Variants in SNAPC2 observed in about 807,000 individuals in gnomAD.
The protein encoded by SNAPC2 is snRNA-activating protein complex subunit 2.
A neutral mutation model predicts 22.9 loss-of-function variants in SNAPC2; 27 were observed. The observed-to-expected ratio is 1.18, with a 90% CI of 0.87 to 1.63. The LOEUF (loss-of-function observed/expected upper bound fraction) is 1.63. Among genes scored for constraint, SNAPC2 ranks in the 40% most tolerant of loss-of-function variants. SNAPC2 has a pLI of 0.00. For missense variants in SNAPC2, 570 were observed against 449.1 expected (o/e 1.27, Z -2.43); for synonymous variants, 272 against 201.0 (o/e 1.35, Z -2.99).
intron 1 of SNAPC2, 35 bp from the exon 2 acceptor site, chr19:7,921,388 T>C (rs747658355): frequency 1.2e-6 from 2 of 1,613,520 alleles, no homozygotes; most frequent in South Asian, 1.1e-5. Context: ...CCTGAGCTCA[T>C]AGAAGCCTCA....
chr19:7,922,608 G>A lies in SNAPC2; in HGVS notation c.849G>A (p.Gly283=), dbSNP rs1443905989. 30 of 1,613,514 alleles carry A rather than the reference G, an allele frequency of 1.9e-5. No homozygotes were observed. The highest frequency in any genetic ancestry group is 2.3e-5 in the Non-Finnish European group (27 of 1,179,972). Residue 283 remains glycine, a synonymous_variant, in exon 5 of 5, where the codon GGG becomes GGA. Transcript: ENST00000221573. ...TGGGGCCTGCAGCAGAAGGGGATGG[G>A]GCTGGCTCCAAGGCACCAGAGGAGA... is the stretch of plus-strand genomic sequence containing the variant. ...GSLGPAAEGD[G]AGSKAPEETP... is the part of the protein sequence containing the mutation.
intron 1 of SNAPC2, chr19:7,920,910 GTTAATA>G: frequency 9.7e-7 from 1 of 1,033,224 alleles, no homozygotes; most frequent in Non-Finnish European, 1.2e-6. Context: ...GCGTGGGCGG[GTTAATA>G]GCAAGACTTA....
In SNAPC2 at chr19:7,922,702, C is replaced by T; in HGVS notation, c.943C>T (p.Pro315Ser). 6.2e-7 allele frequency: 1 copy of T among 1,611,192 alleles called. No homozygotes were observed. The highest frequency in any genetic ancestry group is 8.5e-7 in the Non-Finnish European group (1 of 1,178,170). Residue 315 changes from proline to serine, a missense_variant, in exon 5 of 5, where the codon CCC (proline) becomes TCC (serine). Transcript: ENST00000221573. ...GCCTTGGCAAGCAGCTGGGATCTGT[C>T]CCCTGAACCCGTTCCTGGTGCCCCT... The part of the protein sequence containing the change: ...KSPWQAAGIC[P>S]LNPFLVPLEL...
At position 7,922,446 on chromosome 19, in the gene SNAPC2, G is replaced by C. The variant is rs565417189; in HGVS notation, c.687G>C (p.Glu229Asp). 2 of 1,584,754 alleles carry C rather than the reference G, an allele frequency of 1.3e-6. No individual in the cohort carries two copies. The highest frequency in any genetic ancestry group is 2.7e-5 in the African/African-American group (2 of 74,182). ...SGRSPELSAA[E>D]SAVVLDLLMS... ...CCCCTCTCCTCCATCCATCACTAGA[G>C]TCCGCTGTGGTCCTCGACCTGCTCA... The change falls in exon 5 of 5, where the codon GAG becomes GAC. Residue 229 changes from glutamate (E) to aspartate (D), a missense_variant and splice_region_variant. By Grantham distance (45) the Glu-to-Asp change is conservative. Transcript: ENST00000221573.
In SNAPC2 at chr19:7,921,532, C is replaced by T. The variant is rs1424455534; in HGVS notation, c.293C>T (p.Ala98Val). 12 of 1,612,606 alleles carry T rather than the reference C, an allele frequency of 7.4e-6. No individual in the cohort carries two copies. The highest frequency in any genetic ancestry group is 2.2e-5 in the East Asian group (1 of 44,894). The change falls in exon 2 of 5, where the codon GCC becomes GTC. Residue 98 changes from alanine to valine, a missense_variant. Coordinates refer to ENST00000221573, the MANE Select transcript of SNAPC2 (RefSeq NM_003083.4). Reference sequence around the variant, plus strand: ...AGGCGCCGGGAGGCACAGCCCCCAGCCCCCATAGAGGTGAGGCAGATGAAC... The same window carrying T: ...AGGCGCCGGGAGGCACAGCCCCCAGTCCCCATAGAGGTGAGGCAGATGAAC... ...GPRRREAQPP[A>V]PIEVWTDLAE...
intron 1 of SNAPC2, 75 bp from the exon 2 acceptor site, chr19:7,921,348 G>C: frequency 6.2e-7 from 1 of 1,607,424 alleles, no homozygotes; most frequent in African/African-American, 1.3e-5. Context: ...GAGCATACAA[G>C]GGATTGGGCT....
rs1302933822 is a variant in SNAPC2 at position 7,920,471 on chromosome 19, C to T, written c.105C>T (p.Leu35=). 2.0e-6 allele frequency: 3 copies of T among 1,531,998 alleles called. No individual in the cohort carries two copies. The highest frequency in any genetic ancestry group is 3.9e-5 in the Admixed American group (2 of 51,588). 94.9% of individuals were successfully genotyped at this position (1,531,998 alleles called of 1,614,324 possible). A position where few individuals can be genotyped will look rare whatever the true frequency, so the allele number is the denominator to read the frequency against. The change falls in exon 1 of 5, where the codon CTC becomes CTT. Residue 35 remains leucine (L), a synonymous_variant. Transcript: ENST00000221573. ...SAREKRQLVR[L]LQARQGQPEP... is the part of the protein sequence containing the mutation. ...GCGAGAAGCGGCAGCTAGTGCGACT[C>T]CTGCAGGCGCGGCAGGGCCAGCCGG... is the stretch of plus-strand genomic sequence containing the variant.
chr19:7,921,511 G>A lies in SNAPC2; in HGVS notation c.272G>A (p.Arg91His), dbSNP rs868776366. 3.1e-6 allele frequency: 5 copies of A among 1,613,392 alleles called. No individual in the cohort carries two copies. Among genetic ancestry groups the A allele is most frequent in the African/African-American group, 1.3e-5 (1 of 74,908 alleles). ...CCGGGTGGCCTTCAGGGACCAAGGC[G>A]CCGGGAGGCACAGCCCCCAGCCCCC... Reference protein sequence around the residue: ...VHPGGLQGPRRREAQPPAPIE... With the variant: ...VHPGGLQGPRHREAQPPAPIE... The change falls in exon 2 of 5, where the codon CGC becomes CAC. Residue 91 changes from arginine to histidine, a missense_variant. Coordinates refer to ENST00000221573, the MANE Select transcript of SNAPC2 (RefSeq NM_003083.4).
At chr19:7,921,172 G>A in intron 1 of SNAPC2, 5 of 1,414,766 alleles carry the variant, frequency 3.5e-6, no homozygotes, top group Non-Finnish European at 4.6e-6. Flanking sequence ...CGGGGTAGTA[G>A]TCAGCATAGG....
rs775439325 is a variant in SNAPC2 at position 7,921,433 on chromosome 19, TC to T, written c.196del (p.Leu66SerfsTer8). On this transcript the variant is annotated frameshift_variant, in exon 2 of 5. Coordinates refer to ENST00000221573, the MANE Select transcript of SNAPC2 (RefSeq NM_003083.4). LOFTEE classifies it high-confidence loss of function. ...RGRSEAEIRV[F>X]LQQLKGRVAR... ...CTCTTTCCTTTCTAGATCCGGGTCTTCCTCCAGCAGCTCAAGGGCCGCGTAG... is the reference window on the plus strand; with the variant it reads ...CTCTTTCCTTTCTAGATCCGGGTCTTCTCCAGCAGCTCAAGGGCCGCGTAG... 7 of 1,613,688 alleles carry T rather than the reference TC, an allele frequency of 4.3e-6. No homozygotes were observed. The highest frequency in any genetic ancestry group is 1.3e-5 in the African/African-American group (1 of 74,876).
chr19:7,921,547 G>C lies in SNAPC2; in HGVS notation c.303+5G>C. On this transcript the variant is annotated splice_donor_5th_base_variant and intron_variant, in intron 2 of 4. Coordinates refer to ENST00000221573, the MANE Select transcript of SNAPC2 (RefSeq NM_003083.4). ...CAGCCCCCAGCCCCCATAGAGGTGA[G>C]GCAGATGAACAGGGTGAGGCTGTCC... 1 of 1,611,308 alleles carries C rather than the reference G, an allele frequency of 6.2e-7. No homozygotes were observed. The highest frequency in any genetic ancestry group is 2.2e-5 in the East Asian group (1 of 44,874).
In SNAPC2 at chr19:7,922,665, C is replaced by A. The variant is rs770302805; in HGVS notation, c.906C>A (p.Ser302Arg). 1.2e-6 allele frequency: 2 copies of A among 1,613,608 alleles called. No individual in the cohort carries two copies. The highest frequency in any genetic ancestry group is 1.7e-5 in the Admixed American group (1 of 60,014). The change falls in exon 5 of 5, where the codon AGC becomes AGA. Residue 302 changes from serine (S) to arginine (R), a missense_variant. By Grantham distance (110) the Ser-to-Arg change is moderately radical. Coordinates refer to ENST00000221573, the MANE Select transcript of SNAPC2 (RefSeq NM_003083.4). ...CAGCCACCGAGAAGGCCGAGCACAG[C>A]GAACTGAAATCGCCTTGGCAAGCAG... ...TPPATEKAEH[S>R]ELKSPWQAAG...
chr19:7,920,996 G>C (rs1242868647), intron 1 of SNAPC2: 1 of 1,135,436 alleles, frequency 8.8e-7, no homozygotes, highest in Admixed American at 4.6e-5. Context: ...TTTAAAGGCG[G>C]GGCGAGCCTC....
At position 7,922,061 on chromosome 19, in the gene SNAPC2, G is replaced by A. The variant is rs887648608; in HGVS notation, c.399G>A (p.Pro133=). The stretch of plus-strand genomic sequence containing the variant: ...TGCTCACCATCGCGGCCACGGAACC[G>A]GTCACCCTCCTGCACTCCAAGCCCC... ...SQVLTIAATE[P]VTLLHSKPPK... Residue 133 remains proline, a synonymous_variant, in exon 4 of 5, where the codon CCG becomes CCA. Coordinates refer to ENST00000221573, the MANE Select transcript of SNAPC2 (RefSeq NM_003083.4). 52 of 1,610,660 alleles carry A rather than the reference G, an allele frequency of 3.2e-5. No homozygotes were observed. Among genetic ancestry groups the A allele is most frequent in the East Asian group, 1.1e-4 (5 of 44,822 alleles).
At chr19:7,920,670 G>A in intron 1 of SNAPC2, 121 bp downstream of exon 1, 3 of 616,792 alleles carry the variant, frequency 4.9e-6, no homozygotes, top group Non-Finnish European at 5.1e-6. Flanking sequence ...GAGCGGGGGC[G>A]TGGCGTGGGG....
intron 1 of SNAPC2, chr19:7,921,152 G>A (rs980917889): frequency 1.4e-6 from 2 of 1,379,654 alleles, no homozygotes; most frequent in Non-Finnish European, 9.4e-7. Flanking sequence ...GGACGAAGAA[G>A]GGAGTTGAAC....
Position 7,922,429 on chromosome 19 carries a change from CTCCA to C in SNAPC2, c.686-9_686-6del, listed in dbSNP as rs745665442. On this transcript the variant is annotated splice_polypyrimidine_tract_variant and intron_variant, in intron 4 of 4. Transcript: ENST00000221573. Reference sequence around the variant, plus strand: ...GCAGGGGTGTCCCCTTACCCCTCTCCTCCATCCATCACTAGAGTCCGCTGTGGTC... The same window carrying C: ...GCAGGGGTGTCCCCTTACCCCTCTCCTCCATCACTAGAGTCCGCTGTGGTC... 2.5e-5 allele frequency: 39 copies of C among 1,581,758 alleles called. No homozygotes were observed. In the East Asian group the frequency reaches 2.7e-4, roughly 11 times the overall value.
intron 3 of SNAPC2, 64 bp downstream of exon 3, chr19:7,921,837 T>C (rs1450976056): frequency 3.2e-6 from 5 of 1,549,280 alleles, no homozygotes; most frequent in Non-Finnish European, 4.4e-6. Context: ...GGCCAAATCA[T>C]GTGAACCTGG....
rs149467241 is a variant in SNAPC2, at chr19:7,923,169, G to A, written c.*405G>A. ...CACCTTCTTCAACTGACCAGTCGTG[G>A]TTACTCCCTGCTGCCAGGTCCTTCC... On this transcript the variant is annotated 3_prime_UTR_variant, in exon 5 of 5. Coordinates refer to ENST00000221573, the MANE Select transcript of SNAPC2 (RefSeq NM_003083.4). 1.6e-3 allele frequency: 291 copies of A among 183,634 alleles called. 4 individuals are homozygous for A. Among genetic ancestry groups the A allele is most frequent in the African/African-American group, 6.4e-3 (274 of 42,688 alleles). The allele number at this position is 183,634 out of a possible 1,614,324, so 11.4% of individuals were successfully genotyped here.
Sources: allele counts gnomAD v4.1 joint callset, GRCh38; gene constraint gnomAD v4.1.1; transcripts MANE v1.5; gene names NCBI Gene and HGNC (gene_info 2026-07-23, HGNC 2026-07-21).